Variants in SOX5 observed in about 807,000 individuals in gnomAD.
The protein encoded by SOX5 is SRY-box transcription factor 5, also known as transcription factor SOX-5.
In SOX5, 9 loss-of-function variants were observed where a neutral mutation model predicts 92.0. That is an observed-to-expected ratio of 0.10 (90% CI 0.06 to 0.17). The LOEUF is 0.17. Ranked by LOEUF, SOX5 falls within the 10% of genes least tolerant of loss-of-function variation. The pLI is 1.00. For synonymous variants in SOX5, 344 were observed against 336.3 expected (o/e 1.02, Z -0.25); for missense variants, 642 against 944.5 (o/e 0.68, Z 4.20).
chr12:23,893,213 C>T (rs763966392), intron 2 of SOX5, among the ~76,000 whole-genome samples: 17 of 152,030 alleles, frequency 1.1e-4, no homozygotes, highest in African/African-American at 2.2e-4. Flanking sequence ...TTTGGGAGGC[C>T]GATGTGGGCG....
At position 23,665,281 on chromosome 12, in the gene SOX5, C is replaced by CAT. The variant is rs1555241888; in HGVS notation, c.931+162_931+163insAT. Among the ~76,000 whole-genome samples the CAT allele has an allele frequency of 1.1e-4, 17 of 151,898 alleles. No homozygotes were observed. The East Asian group carries it at 2.5e-3, about 23-fold the overall frequency. ...CAGAAGCACAGATTTAATCTAAGTC[C>CAT]TTTAAGTACTAACACACTTCTCCAC... is the stretch of plus-strand genomic sequence containing the variant. On this transcript the variant is annotated intron_variant, in intron 7 of 14. Coordinates refer to ENST00000451604, the MANE Select transcript of SOX5 (RefSeq NM_006940.6).
intron 10 of SOX5, among the ~76,000 whole-genome samples, chr12:23,565,509 T>C (rs1946914960): frequency 6.6e-6 from 1 of 152,294 alleles, no homozygotes; most frequent in South Asian, 2.1e-4. Flanking sequence ...GCTTGGCACA[T>C]GGCACTGAAT....
At chr12:23,890,307 C>T (rs1420585649) in intron 2 of SOX5, among the ~76,000 whole-genome samples, 2 of 147,290 alleles carry the variant, frequency 1.4e-5, no homozygotes, top group East Asian at 2.0e-4. Flanking sequence ...GCAACAAGAA[C>T]GGAACTCCAT....
At chr12:23,791,451 C>T (rs2141969382) in intron 3 of SOX5, among the ~76,000 whole-genome samples, 1 of 152,314 alleles carries the variant, frequency 6.6e-6, no homozygotes, top group East Asian at 1.9e-4. Flanking sequence ...GCATGTGCCA[C>T]TGCACGGGCT....
At chr12:24,207,818 A>AT (rs1379761196) in intron 4 of SOX5, among the ~76,000 whole-genome samples, 1 of 152,192 alleles carries the variant, frequency 6.6e-6, no homozygotes, top group Non-Finnish European at 1.5e-5. Flanking sequence ...AACTTTCAGC[A>AT]TCAAGTTTAA....
At chr12:23,616,836 G>C (rs1259528705) in intron 8 of SOX5, among the ~76,000 whole-genome samples, 3 of 152,106 alleles carry the variant, frequency 2.0e-5, no homozygotes. Flanking sequence ...CCAGAGGTTA[G>C]TGACTGTCTG....
chr12:24,455,166 G>A (rs933700122), intron 1 of SOX5, among the ~76,000 whole-genome samples: 3 of 152,140 alleles, frequency 2.0e-5, no homozygotes, highest in African/African-American at 7.2e-5. Context: ...CTGCAGGGTC[G>A]CAGCCCACAG....
intron 3 of SOX5, among the ~76,000 whole-genome samples, chr12:23,838,725 C>T (rs1012955966): frequency 2.0e-5 from 3 of 151,622 alleles, no homozygotes; most frequent in Non-Finnish European, 4.4e-5. Context: ...ACAATAGTGA[C>T]GTTTCTTTGT....
Position 23,534,024 on chromosome 12 carries a change from G to T in SOX5, c.*195C>A. The T allele has an allele frequency of 1.9e-6, 1 of 533,722 alleles. No homozygotes were observed. The highest frequency in any genetic ancestry group is 2.7e-5 in the South Asian group (1 of 36,654). 33.1% of individuals were successfully genotyped at this position (533,722 alleles called of 1,614,324 possible). ...TCTCTTGTTGTTGATATTGTTGTTT[G>T]CTTGTTGTATTTGTTTTTTCTTTCC... On this transcript the variant is annotated 3_prime_UTR_variant, in exon 15 of 15. Coordinates refer to ENST00000451604, the MANE Select transcript of SOX5 (RefSeq NM_006940.6).
intron 1 of SOX5, among the ~76,000 whole-genome samples, chr12:24,405,499 C>T (rs1035693157): frequency 6.6e-6 from 1 of 152,088 alleles, no homozygotes; most frequent in Admixed American, 6.5e-5. Flanking sequence ...GATTCCCGCC[C>T]ATAGAAAACA....
chr12:24,262,750 T>C (rs1051051796), intron 3 of SOX5, among the ~76,000 whole-genome samples: 1 of 152,188 alleles, frequency 6.6e-6, no homozygotes, highest in East Asian at 1.9e-4. Flanking sequence ...AAAGGTCCCA[T>C]TTTCCTTATT....
At chr12:24,341,239 G>A (rs371932011) in intron 2 of SOX5, among the ~76,000 whole-genome samples, 2 of 152,180 alleles carry the variant, frequency 1.3e-5, no homozygotes, top group Admixed American at 1.3e-4. Flanking sequence ...CACCTTGAGA[G>A]GCTGAGGCAG....
intron 3 of SOX5, among the ~76,000 whole-genome samples, chr12:24,241,492 G>T (rs1014753528): frequency 6.6e-6 from 1 of 152,084 alleles, no homozygotes; most frequent in African/African-American, 2.4e-5. Flanking sequence ...CAGAACTAAG[G>T]TTCACACCCA....
chr12:23,766,352 C>T (rs1186120121), intron 3 of SOX5, among the ~76,000 whole-genome samples: 2 of 151,934 alleles, frequency 1.3e-5, no homozygotes, highest in African/African-American at 4.8e-5. Flanking sequence ...CATATTTTTC[C>T]AGCCATGAAG....
intron 4 of SOX5, among the ~76,000 whole-genome samples, chr12:24,152,854 A>G (rs983630854): frequency 6.6e-6 from 1 of 152,138 alleles, no homozygotes. Flanking sequence ...CAGGAAAAAA[A>G]AAAAGAGAAT....
chr12:23,985,231 AT>A (rs1021148532), intron 4 of SOX5, among the ~76,000 whole-genome samples: 1 of 120,824 alleles, frequency 8.3e-6, no homozygotes, highest in African/African-American at 3.1e-5. Context: ...GTATTTTTTT[AT>A]TTTTTTGAAT....
chr12:24,350,184 AC>A (rs952483036), intron 2 of SOX5, among the ~76,000 whole-genome samples: 1 of 152,256 alleles, frequency 6.6e-6, no homozygotes, highest in Non-Finnish European at 1.5e-5. Flanking sequence ...AAGTGCCAAC[AC>A]TGAAAAGGCT....
In SOX5 at chr12:23,573,639, A is replaced by C. The variant is rs372727964; in HGVS notation, c.1342+2022T>G. Reference sequence around the variant, plus strand: ...GTTCAAAGATACTTTTATACTCTCTACTTCAGTTGGAGCCTAATTCTCCTT... The same window carrying C: ...GTTCAAAGATACTTTTATACTCTCTCCTTCAGTTGGAGCCTAATTCTCCTT... On this transcript the variant is annotated intron_variant, in intron 10 of 14. Coordinates refer to ENST00000451604, the MANE Select transcript of SOX5 (RefSeq NM_006940.6). 3.9e-5 allele frequency among the ~76,000 whole-genome samples: 6 copies of C among 152,312 alleles called. No individual in the cohort carries two copies. In the East Asian group the frequency reaches 1.2e-3, roughly 29 times the overall value.
intron 4 of SOX5, among the ~76,000 whole-genome samples, chr12:24,140,922 C>T (rs1381673808): frequency 1.3e-5 from 2 of 152,086 alleles, no homozygotes; most frequent in Non-Finnish European, 2.9e-5. Flanking sequence ...CCCTAACACT[C>T]CAAATAGCAC....
Sources: allele counts gnomAD v4.1 joint callset (sites outside exome capture counted in the v4.1 genomes callset), GRCh38; gene constraint gnomAD v4.1.1; transcripts MANE v1.5; gene names NCBI Gene and HGNC (gene_info 2026-07-23, HGNC 2026-07-21).